C1orf87: variants seen among roughly 807,000 people sequenced by gnomAD.
The protein encoded by C1orf87 is chromosome 1 open reading frame 87, also known as uncharacterized protein C1orf87.
C1orf87 carries 58 observed loss-of-function variants against 60.5 expected under a neutral mutation model. The observed-to-expected ratio is 0.96, with a 90% CI of 0.78 to 1.19. C1orf87 has a LOEUF of 1.19. C1orf87 is among the 50% of genes most tolerant of loss of function. C1orf87 has a pLI of 0.00. For synonymous variants in C1orf87, 236 were observed against 227.4 expected, an observed-to-expected ratio of 1.04 and a Z score of -0.34; for missense variants, 673 against 638.6, an observed-to-expected ratio of 1.05 and a Z score of -0.58.
At chr1:59,999,804 GT>G (rs1490995058) in intron 10 of C1orf87, among the ~76,000 whole-genome samples, 1 of 152,128 alleles carries the variant, frequency 6.6e-6, no homozygotes, top group Non-Finnish European at 1.5e-5. Flanking sequence ...AATGGAAGCT[GT>G]TTTATACCTT....
chr1:60,063,904 T>A lies in C1orf87; in HGVS notation c.108-8466A>T, dbSNP rs942515161. On this transcript the variant is annotated intron_variant, in intron 2 of 11. Coordinates refer to ENST00000371201, the MANE Select transcript of C1orf87 (RefSeq NM_152377.3). ...CTCGATAGGATTGACGGATGCAAAT[T>A]ATTGATCCTGGGTGTGTCTGTGAGG... Among the ~76,000 whole-genome samples, 4 of 152,034 alleles carry A rather than the reference T, an allele frequency of 2.6e-5. No homozygotes were observed. In the East Asian group the frequency reaches 7.7e-4, roughly 29 times the overall value.
intron 6 of C1orf87, among the ~76,000 whole-genome samples, chr1:60,034,956 A>G (rs1274139162): frequency 6.6e-6 from 1 of 151,534 alleles, no homozygotes; most frequent in African/African-American, 2.4e-5. Flanking sequence ...GGACTCTCAC[A>G]CAAGTTTTGG....
chr1:59,996,352 C>T (rs774863704), intron 11 of C1orf87, among the ~76,000 whole-genome samples: 5 of 152,112 alleles, frequency 3.3e-5, no homozygotes, highest in Non-Finnish European at 7.4e-5. Context: ...TTCTAGACTT[C>T]ATTCTCTCTC....
chr1:60,004,643 C>T (rs1226402785), intron 9 of C1orf87, among the ~76,000 whole-genome samples: 1 of 151,992 alleles, frequency 6.6e-6, no homozygotes, highest in African/African-American at 2.4e-5. Flanking sequence ...ATGGCTTGCA[C>T]ATGTAAAAAT....
At chr1:60,045,483 T>C (rs1400859949) in intron 3 of C1orf87, among the ~76,000 whole-genome samples, 2 of 152,224 alleles carry the variant, frequency 1.3e-5, no homozygotes, top group Admixed American at 1.3e-4. Context: ...CTTTTAATTT[T>C]GGAAACTTCA....
intron 4 of C1orf87, 138 bp downstream of exon 4, chr1:60,040,853 A>T: frequency 2.2e-6 from 2 of 918,684 alleles, no homozygotes; most frequent in South Asian, 6.6e-5. Flanking sequence ...TTGGCTTCTC[A>T]AAGTGCTGGC....
intron 3 of C1orf87, among the ~76,000 whole-genome samples, chr1:60,050,556 G>C (rs997678747): frequency 6.6e-6 from 1 of 150,606 alleles, no homozygotes; most frequent in African/African-American, 2.4e-5. Context: ...TAACTGTCTT[G>C]AGATTTTAGA....
chr1:60,072,006 A>G (rs1645587366), intron 2 of C1orf87, among the ~76,000 whole-genome samples: 1 of 152,194 alleles, frequency 6.6e-6, no homozygotes, highest in Non-Finnish European at 1.5e-5. Flanking sequence ...TATTAGAAAT[A>G]CAGGAGTGTC....
chr1:60,003,487 A>C (rs78852484), intron 9 of C1orf87, among the ~76,000 whole-genome samples: 9,333 of 151,006 alleles, frequency 0.062, 317 homozygotes, highest in Admixed American at 0.094. Context: ...AAAAATCACA[A>C]AAAAAAAGAA....
chr1:60,064,877 TTGTTCTAAATAAATATA>T (rs1645530593), intron 2 of C1orf87, among the ~76,000 whole-genome samples: 1 of 92,360 alleles, frequency 1.1e-5, no homozygotes, highest in Non-Finnish European at 1.9e-5. Flanking sequence ...AAATATATAT[TTGTTCTAAATAAATATA>T]TATTCTAAAT....
At chr1:60,052,090 C>T (rs2100313949) in intron 3 of C1orf87, among the ~76,000 whole-genome samples, 1 of 152,300 alleles carries the variant, frequency 6.6e-6, no homozygotes, top group South Asian at 2.1e-4. Context: ...CCTTGCAAGG[C>T]TATTGTGGAG....
At chr1:60,037,370 C>A (rs568538299) in intron 6 of C1orf87, among the ~76,000 whole-genome samples, 1 of 152,282 alleles carries the variant, frequency 6.6e-6, no homozygotes, top group East Asian at 1.9e-4. Flanking sequence ...AATAGAATAT[C>A]TGAGATTGGG....
intron 6 of C1orf87, among the ~76,000 whole-genome samples, chr1:60,036,151 T>C (rs1645274650): frequency 1.3e-5 from 2 of 152,180 alleles, no homozygotes. Flanking sequence ...AATGCCTAGA[T>C]GGCAGTATTG....
intron 3 of C1orf87, among the ~76,000 whole-genome samples, chr1:60,044,524 C>T (rs929489383): frequency 6.6e-5 from 10 of 152,124 alleles, no homozygotes; most frequent in African/African-American, 1.9e-4. Context: ...CTGTCTTGTG[C>T]CTGGCTGACA....
At chr1:60,032,061 T>A (rs986591828) in intron 7 of C1orf87, among the ~76,000 whole-genome samples, 19 of 152,072 alleles carry the variant, frequency 1.2e-4, no homozygotes, top group Middle Eastern at 3.4e-3. Flanking sequence ...AATATAGAAG[T>A]TAAAAGAAAA....
At chr1:60,035,693 A>T (rs888522925) in intron 6 of C1orf87, among the ~76,000 whole-genome samples, 1 of 152,218 alleles carries the variant, frequency 6.6e-6, no homozygotes, top group Non-Finnish European at 1.5e-5. Context: ...ACAGATATTC[A>T]TGTATCCCTG....
At chr1:60,040,213 T>TG in intron 4 of C1orf87, 33 bp from the exon 5 acceptor site, 1 of 1,584,662 alleles carries the variant, frequency 6.3e-7, no homozygotes, top group Non-Finnish European at 8.6e-7. Context: ...AGAGCAAGAC[T>TG]CTTCAATCAG....
chr1:60,012,187 AAC>A (rs952095851), intron 8 of C1orf87, among the ~76,000 whole-genome samples: 2 of 151,786 alleles, frequency 1.3e-5, no homozygotes, highest in African/African-American at 4.8e-5. Context: ...TGAAAAAAAA[AAC>A]ACAAAACAAC....
At chr1:60,071,096 G>C (rs17120084) in intron 2 of C1orf87, among the ~76,000 whole-genome samples, 1,604 of 152,198 alleles carry the variant, frequency 0.011, 42 homozygotes, top group African/African-American at 0.036. Context: ...CAGTGTCTTA[G>C]TTTCCTCATC....
Sources: gnomAD v4.1 joint callset for allele counts (sites outside exome capture counted in the v4.1 genomes callset) on GRCh38, gnomAD v4.1.1 for gene constraint, MANE v1.5 for transcripts, NCBI Gene and HGNC (gene_info 2026-07-23, HGNC 2026-07-21) for gene names.